The following GALNT13 variants were observed in gnomAD, a reference collection of about 807,000 sequenced individuals.
GALNT13 encodes polypeptide N-acetylgalactosaminyltransferase 13.
Under a neutral mutation model 64.2 loss-of-function variants are expected in GALNT13, and 28 were observed. The ratio of observed to expected loss-of-function variants is 0.44; its 90% CI spans 0.32 to 0.60. The LOEUF is 0.60. Among genes scored for constraint, GALNT13 ranks in the 20% least tolerant of loss-of-function variants. The pLI is 0.05. For synonymous variants in GALNT13, 214 were observed against 224.6 expected (o/e 0.95, Z 0.42); for missense variants, 577 against 669.8 (o/e 0.86, Z 1.53).
chr2:154,181,171 T>G, intron 4 of GALNT13, among the ~76,000 whole-genome samples: 1 of 152,194 alleles, frequency 6.6e-6, no homozygotes, highest in East Asian at 1.9e-4. Flanking sequence ...TAATCAATAC[T>G]TTATTGTTGT....
the GALNT13 span, among the ~76,000 whole-genome samples, chr2:153,670,279 C>T: frequency 3.3e-5 from 5 of 152,150 alleles, no homozygotes; most frequent in African/African-American, 9.7e-5. Context: ...GGCTGGGAGA[C>T]ACCTCCCAGT....
intron 3 of GALNT13, among the ~76,000 whole-genome samples, chr2:154,099,540 T>C (rs553171752): frequency 2.0e-5 from 3 of 152,268 alleles, no homozygotes; most frequent in Non-Finnish European, 2.9e-5. Flanking sequence ...CTAAGATTTT[T>C]AGTTTCAGGT....
intron 10 of GALNT13, among the ~76,000 whole-genome samples, chr2:154,397,514 A>G (rs545038333): frequency 1.3e-5 from 2 of 152,236 alleles, no homozygotes; most frequent in South Asian, 4.1e-4. Context: ...TTAAAATGCC[A>G]TTGTTGTAGA....
At chr2:153,517,090 C>T in the GALNT13 span, among the ~76,000 whole-genome samples, 11,858 of 152,178 alleles carry the variant, frequency 0.078, 511 homozygotes, top group East Asian at 0.21. Context: ...GAAAGAAAAT[C>T]TGTGGGGTTT....
the GALNT13 span, among the ~76,000 whole-genome samples, chr2:153,146,561 G>A: frequency 2.0e-5 from 3 of 151,940 alleles, no homozygotes; most frequent in East Asian, 3.9e-4. Context: ...TGACTGCAGG[G>A]TACATTACAG....
chr2:153,246,337 C>T, the GALNT13 span, among the ~76,000 whole-genome samples: 1 of 152,090 alleles, frequency 6.6e-6, no homozygotes, highest in African/African-American at 2.4e-5. Context: ...AAGCCCAAGA[C>T]ACATAGTCAC....
intron 3 of GALNT13, among the ~76,000 whole-genome samples, chr2:154,047,603 A>C (rs1348690851): frequency 6.6e-6 from 1 of 152,198 alleles, no homozygotes; most frequent in Non-Finnish European, 1.5e-5. Context: ...AAGATTGAAT[A>C]AGTTAATAAA....
chr2:154,328,561 C>A (rs1295105212), intron 9 of GALNT13, among the ~76,000 whole-genome samples: 1 of 152,062 alleles, frequency 6.6e-6, no homozygotes, highest in Admixed American at 6.6e-5. Context: ...TGAAAGTGTG[C>A]GGTCCAGGGA....
chr2:153,325,637 G>C, the GALNT13 span, among the ~76,000 whole-genome samples: 27 of 152,294 alleles, frequency 1.8e-4, no homozygotes, highest in South Asian at 5.6e-3. Context: ...GGCATTTAGT[G>C]CTATAAATTT....
intron 4 of GALNT13, among the ~76,000 whole-genome samples, chr2:154,203,256 G>T (rs1026277879): frequency 6.6e-6 from 1 of 152,080 alleles, no homozygotes; most frequent in Non-Finnish European, 1.5e-5. Flanking sequence ...TGAGTGTTTT[G>T]TATTCCTCTT....
At chr2:153,107,577 A>G in the GALNT13 span, among the ~76,000 whole-genome samples, 1 of 152,188 alleles carries the variant, frequency 6.6e-6, no homozygotes, top group African/African-American at 2.4e-5. Flanking sequence ...CTGAACCAAA[A>G]CAATAAAGTA....
chr2:153,523,524 C>T, the GALNT13 span, among the ~76,000 whole-genome samples: 3 of 152,104 alleles, frequency 2.0e-5, no homozygotes, highest in Non-Finnish European at 4.4e-5. Context: ...CTCAGATAGA[C>T]CTTGTACATA....
the GALNT13 span, among the ~76,000 whole-genome samples, chr2:153,534,918 C>G: frequency 6.6e-6 from 1 of 151,618 alleles, no homozygotes. Context: ...ACAGGGGATG[C>G]GATGGCTTGG....
chr2:153,658,729 A>G, the GALNT13 span, among the ~76,000 whole-genome samples: 1 of 151,894 alleles, frequency 6.6e-6, no homozygotes, highest in Non-Finnish European at 1.5e-5. Context: ...TATAAAATGG[A>G]AAAAAAATAC....
chr2:154,342,449 A>G (rs1047788177), intron 9 of GALNT13, among the ~76,000 whole-genome samples: 1 of 152,066 alleles, frequency 6.6e-6, no homozygotes, highest in African/African-American at 2.4e-5. Context: ...AACTATGGCC[A>G]TAGAACAAAT....
chr2:154,012,627 G>T (rs1361913409), intron 3 of GALNT13, among the ~76,000 whole-genome samples: 2 of 152,260 alleles, frequency 1.3e-5, no homozygotes, highest in African/African-American at 2.4e-5. Context: ...GGACATGAGA[G>T]AAATTTTTGT....
At chr2:153,327,137 C>G in the GALNT13 span, among the ~76,000 whole-genome samples, 2 of 152,050 alleles carry the variant, frequency 1.3e-5, no homozygotes, top group Admixed American at 1.3e-4. Flanking sequence ...CCCTCACTCT[C>G]TTTTGACTTA....
chr2:154,429,441 C>G (rs1700614246), intron 11 of GALNT13, among the ~76,000 whole-genome samples: 1 of 152,102 alleles, frequency 6.6e-6, no homozygotes, highest in Admixed American at 6.6e-5. Flanking sequence ...GCCTTTACAC[C>G]AAAACTTCTT....
At chr2:154,339,212 C>A (rs1223479169) in intron 9 of GALNT13, among the ~76,000 whole-genome samples, 2 of 152,036 alleles carry the variant, frequency 1.3e-5, no homozygotes, top group African/African-American at 4.8e-5. Flanking sequence ...TAAAATATTT[C>A]AAAACCAAGA....
Sources: gnomAD v4.1 joint callset for allele counts (sites outside exome capture counted in the v4.1 genomes callset) on GRCh38, gnomAD v4.1.1 for gene constraint, MANE v1.5 for transcripts, NCBI Gene and HGNC (gene_info 2026-07-23, HGNC 2026-07-21) for gene names.